CALN1: variants seen among roughly 807,000 people sequenced by gnomAD.
The protein encoded by CALN1 is calneuron 1, also known as calcium-binding protein 8.
CALN1 carries 17 observed loss-of-function variants against 30.6 expected under a neutral mutation model. The observed-to-expected ratio is 0.56, with a 90% confidence interval of 0.38 to 0.83. The LOEUF (loss-of-function observed/expected upper bound fraction) is 0.83, where lower values mean the gene tolerates loss of function less well. CALN1 is among the 40% of genes least tolerant of loss of function. The pLI, the probability that CALN1 is intolerant of heterozygous loss-of-function variation, is 0.00. For missense variants in CALN1, 291 were observed against 354.9 expected, an observed-to-expected ratio of 0.82 and a Z score of 1.45; for synonymous variants, 156 against 131.4, an observed-to-expected ratio of 1.19 and a Z score of -1.28.
At chr7:71,852,492 AT>A (rs1340467527) in intron 5 of CALN1, among the ~76,000 whole-genome samples, 2 of 150,342 alleles carry the variant, frequency 1.3e-5, no homozygotes, top group Non-Finnish European at 1.5e-5. Context: ...AAAAAAAAAA[AT>A]CTTAGCTGAA....
intron 5 of CALN1, among the ~76,000 whole-genome samples, chr7:71,950,912 C>T (rs1796656648): frequency 6.6e-6 from 1 of 152,190 alleles, no homozygotes; most frequent in Non-Finnish European, 1.5e-5. Flanking sequence ...AAGCCGGCTC[C>T]ACCCTGTCAT....
intron 1 of CALN1, among the ~76,000 whole-genome samples, chr7:72,405,953 G>A (rs1345097570): frequency 6.6e-6 from 1 of 152,176 alleles, no homozygotes; most frequent in African/African-American, 2.4e-5. Flanking sequence ...TGGTCGCCAG[G>A]CTTCTGAGCC....
rs528356011 is a variant in CALN1, at chr7:72,406,827, G to T, written c.-73-3385C>A. Among the ~76,000 whole-genome samples, 3 of 152,092 alleles carry T rather than the reference G, an allele frequency of 2.0e-5. No homozygotes were observed. In the East Asian group the frequency reaches 5.8e-4, roughly 29 times the overall value. ...AGACGGGTTTCACCATCTTGGCCAG[G>T]CTGGTCTTGAACTTCTGACCTCAAG... On this transcript the variant is annotated intron_variant, in intron 1 of 6. Transcript: ENST00000395275.
At chr7:72,008,337 G>A (rs891426822) in intron 5 of CALN1, among the ~76,000 whole-genome samples, 2 of 151,802 alleles carry the variant, frequency 1.3e-5, no homozygotes, top group East Asian at 1.9e-4. Flanking sequence ...AGACCATATA[G>A]TAAGTGATCA....
At chr7:71,866,882 C>T (rs574706513) in intron 5 of CALN1, among the ~76,000 whole-genome samples, 2 of 152,216 alleles carry the variant, frequency 1.3e-5, no homozygotes, top group Non-Finnish European at 2.9e-5. Flanking sequence ...TGGTGGCTCA[C>T]GCCTGTAATC....
chr7:71,943,224 C>A (rs893287701), intron 5 of CALN1, among the ~76,000 whole-genome samples: 5 of 152,126 alleles, frequency 3.3e-5, no homozygotes, highest in African/African-American at 1.2e-4. Context: ...ACAGTAGTTG[C>A]ACAATAACAT....
At chr7:72,204,482 A>G (rs1791686517) in intron 3 of CALN1, among the ~76,000 whole-genome samples, 1 of 152,174 alleles carries the variant, frequency 6.6e-6, no homozygotes, top group South Asian at 2.1e-4. Context: ...CCGATCATTG[A>G]ATTTTTTAAC....
chr7:72,088,577 T>C (rs1175251114), intron 4 of CALN1, among the ~76,000 whole-genome samples: 2 of 151,304 alleles, frequency 1.3e-5, no homozygotes, highest in Admixed American at 1.3e-4. Context: ...CGCGTGCCTG[T>C]AATCCGACCT....
At chr7:72,330,502 G>A (rs950947814) in intron 2 of CALN1, among the ~76,000 whole-genome samples, 1 of 147,664 alleles carries the variant, frequency 6.8e-6, no homozygotes, top group East Asian at 2.0e-4. Context: ...AGAGACCTTT[G>A]TTGGCCATCC....
chr7:71,830,135 C>G (rs1459579271), intron 5 of CALN1, among the ~76,000 whole-genome samples: 1 of 151,452 alleles, frequency 6.6e-6, no homozygotes, highest in African/African-American at 2.4e-5. Flanking sequence ...CCTCTGCCTC[C>G]CAGGTTCAAG....
chr7:72,232,495 CTGT>C (rs1288221714), intron 3 of CALN1, among the ~76,000 whole-genome samples: 1 of 152,194 alleles, frequency 6.6e-6, no homozygotes, highest in Non-Finnish European at 1.5e-5. Flanking sequence ...GAGTCTCACT[CTGT>C]TGCCCAGGCT....
chr7:72,341,980 A>T (rs1802406532), intron 2 of CALN1, among the ~76,000 whole-genome samples: 1 of 152,066 alleles, frequency 6.6e-6, no homozygotes, highest in Non-Finnish European at 1.5e-5. Flanking sequence ...AAGGCTAGGC[A>T]GTGGCTCACA....
At chr7:72,309,630 G>C (rs1358257862) in intron 2 of CALN1, among the ~76,000 whole-genome samples, 2 of 152,108 alleles carry the variant, frequency 1.3e-5, no homozygotes, top group African/African-American at 4.8e-5. Flanking sequence ...ATCAGAAGTG[G>C]CAAGCAGGGA....
chr7:72,241,605 C>T (rs531034825), intron 3 of CALN1, among the ~76,000 whole-genome samples: 13 of 152,014 alleles, frequency 8.6e-5, no homozygotes, highest in Non-Finnish European at 1.8e-4. Flanking sequence ...ACTTGGGAGG[C>T]TGAGGCAGGA....
At position 72,215,105 on chromosome 7, in the gene CALN1, T is replaced by C. The variant is rs541744553; in HGVS notation, c.244+63581A>G. 5.9e-5 allele frequency among the ~76,000 whole-genome samples: 9 copies of C among 152,224 alleles called. No homozygotes were observed. The East Asian group carries it at 1.2e-3, about 20-fold the overall frequency. ...CCATCCGACATCCCCCACTGCTCCA[T>C]GGGAAAAAGCATCTTCCATGAAACC... On this transcript the variant is annotated intron_variant, in intron 3 of 6. Coordinates refer to ENST00000395275, the MANE Select transcript of CALN1 (RefSeq NM_031468.4).
intron 5 of CALN1, among the ~76,000 whole-genome samples, chr7:71,920,326 AGTTC>A (rs1331599056): frequency 7.7e-6 from 1 of 130,610 alleles, no homozygotes; most frequent in Non-Finnish European, 1.6e-5. Context: ...TGGACAAATT[AGTTC>A]TTTTTTTTTT....
At chr7:71,853,926 T>C (rs868826427) in intron 5 of CALN1, among the ~76,000 whole-genome samples, 13 of 152,098 alleles carry the variant, frequency 8.5e-5, no homozygotes, top group Admixed American at 3.3e-4. Context: ...TTTTTAATGG[T>C]TCGTGATTTT....
At chr7:71,849,457 A>G (rs1392983414) in intron 5 of CALN1, among the ~76,000 whole-genome samples, 1 of 140,596 alleles carries the variant, frequency 7.1e-6, no homozygotes, top group Non-Finnish European at 1.5e-5. Flanking sequence ...TTTTTGCCAC[A>G]TGTATTTTAG....
At chr7:72,430,877 GT>G (rs1424069481) in intron 1 of CALN1, among the ~76,000 whole-genome samples, 1 of 151,650 alleles carries the variant, frequency 6.6e-6, no homozygotes, top group Non-Finnish European at 1.5e-5. Flanking sequence ...TGCCCTCCAA[GT>G]TTTTGTCAAG....
Sources: allele counts gnomAD v4.1 joint callset (sites outside exome capture counted in the v4.1 genomes callset), GRCh38; gene constraint gnomAD v4.1.1; transcripts MANE v1.5; gene names NCBI Gene and HGNC (gene_info 2026-07-23, HGNC 2026-07-21).